The following TMEM52B variants were observed in gnomAD, a reference collection of about 807,000 sequenced individuals.
TMEM52B encodes chromosome 12 open reading frame 59.
TMEM52B carries 11 observed loss-of-function variants against 16.1 expected under a neutral mutation model. That is an observed-to-expected ratio of 0.68 (90% CI 0.43 to 1.13). TMEM52B has a LOEUF of 1.13. Ranked by LOEUF, TMEM52B falls within the 50% of genes most tolerant of loss-of-function variation. TMEM52B has a pLI of 0.00. For synonymous variants in TMEM52B, 101 were observed against 93.8 expected (o/e 1.08, Z -0.45); for missense variants, 243 against 230.4 (o/e 1.05, Z -0.35).
intron 1 of TMEM52B, among the ~76,000 whole-genome samples, chr12:10,180,148 G>C (rs1948805718): frequency 6.6e-6 from 1 of 152,108 alleles, no homozygotes; most frequent in East Asian, 1.9e-4. Context: ...TGGACTGAGG[G>C]ATTCTAAACA....
At chr12:10,176,972 C>A (rs767475875), upstream of TMEM52B, among the ~76,000 whole-genome samples, 1 of 152,188 alleles carries the variant, frequency 6.6e-6, no homozygotes, top group African/African-American at 2.4e-5. Context: ...GGGTTCCCTA[C>A]GTACAGGGCA....
chr12:10,187,480 C>A (rs1017566818), intron 4 of TMEM52B, among the ~76,000 whole-genome samples: 103 of 152,264 alleles, frequency 6.8e-4, no homozygotes, highest in African/African-American at 2.4e-3. Flanking sequence ...TCTCAGCTCA[C>A]TGCAACCTCC....
At chr12:10,173,376 G>C (rs1405782704) in intron 1 of TMEM52B, among the ~76,000 whole-genome samples, 1 of 152,064 alleles carries the variant, frequency 6.6e-6, no homozygotes, top group Non-Finnish European at 1.5e-5. Flanking sequence ...AAACATATAG[G>C]AAACTATTAG....
At chr12:10,176,392 T>C (rs1948765863), upstream of TMEM52B, among the ~76,000 whole-genome samples, 1 of 151,964 alleles carries the variant, frequency 6.6e-6, no homozygotes. Context: ...TTCAAACCTG[T>C]TTGGAAGCTG....
rs550743558 is a variant in TMEM52B at position 10,179,459 on chromosome 12, G to A, written c.-116G>A. The A allele has an allele frequency of 6.4e-6, 7 of 1,097,952 alleles. No individual in the cohort carries two copies. The highest frequency in any genetic ancestry group is 4.0e-4 in the Middle Eastern group (2 of 5,006). 68.0% of individuals were successfully genotyped at this position (1,097,952 alleles called of 1,614,324 possible). A position where few individuals can be genotyped will look rare whatever the true frequency, so the allele number is the denominator to read the frequency against. On this transcript the variant is annotated 5_prime_UTR_variant, in exon 1 of 5. Coordinates refer to ENST00000543484, the MANE Select transcript of TMEM52B (RefSeq NM_001384896.1). ...GAGAGAGAAAAGCTGATAAATTCCT[G>A]AGAAAAGTTTCTCTTCTTAAGAATT...
At chr12:10,171,924 T>TTCA in intron 1 of TMEM52B, 1 of 1,079,312 alleles carries the variant, frequency 9.3e-7, no homozygotes, top group Non-Finnish European at 1.4e-6. Context: ...AGCTTTCTAA[T>TTCA]CCCATTCTTC....
chr12:10,186,618 G>A (rs1380409896), intron 4 of TMEM52B, 29 bp downstream of exon 4: 1 of 1,510,728 alleles, frequency 6.6e-7, no homozygotes, highest in Non-Finnish European at 9.0e-7. Context: ...TAACCTGGGA[G>A]GAGGACCCAA....
chr12:10,177,241 T>C (rs1346191628), upstream of TMEM52B, among the ~76,000 whole-genome samples: 1 of 152,184 alleles, frequency 6.6e-6, no homozygotes, highest in Non-Finnish European at 1.5e-5. Context: ...CCCAGTTGCC[T>C]AATTTAAAAA....
chr12:10,182,430 A>G, intron 1 of TMEM52B, 120 bp from the exon 2 acceptor site: 2 of 1,400,418 alleles, frequency 1.4e-6, no homozygotes, highest in Non-Finnish European at 1.9e-6. Flanking sequence ...GACTGCCCCT[A>G]TGACCGTGAC....
chr12:10,173,063 T>C (rs892370959), intron 1 of TMEM52B, among the ~76,000 whole-genome samples: 15 of 152,320 alleles, frequency 9.8e-5, no homozygotes, highest in African/African-American at 3.6e-4. Flanking sequence ...GTACTAATAT[T>C]CAGCACAGTT....
chr12:10,190,048 C>G lies in TMEM52B; in HGVS notation c.460C>G (p.Gln154Glu), dbSNP rs1948939771. The G allele has an allele frequency of 1.2e-6, 2 of 1,613,990 alleles. No individual in the cohort carries two copies. Among genetic ancestry groups the G allele is most frequent in the African/African-American group, 2.7e-5 (2 of 74,876 alleles). The change falls in exon 5 of 5, where the codon CAG (glutamine) becomes GAG (glutamate). Residue 154 changes from glutamine (Q) to glutamate (E), a missense_variant. Coordinates refer to ENST00000543484, the MANE Select transcript of TMEM52B (RefSeq NM_001384896.1). ...MSRFTVAMCG[Q>E]KAPDLPPVPE... ...TCGCTTCACAGTAGCCATGTGCGGG[C>G]AGAAAGCACCTGATCTACCCCCAGT...
upstream of TMEM52B, among the ~76,000 whole-genome samples, chr12:10,175,024 G>T (rs567061967): frequency 6.6e-6 from 1 of 152,138 alleles, no homozygotes; most frequent in East Asian, 1.9e-4. Context: ...AAGATCAGTG[G>T]GATAGTTTCT....
At chr12:10,180,572 A>T (rs1948811258) in intron 1 of TMEM52B, among the ~76,000 whole-genome samples, 1 of 152,168 alleles carries the variant, frequency 6.6e-6, no homozygotes. Context: ...CGGGTTTCTC[A>T]AATGTTACCT....
Position 10,179,470 on chromosome 12 carries a change from CTCT to C in TMEM52B, c.-100_-98del, listed in dbSNP as rs1460929899. The C allele has an allele frequency of 8.8e-6, 11 of 1,243,426 alleles. No individual in the cohort carries two copies. The East Asian group carries it at 2.6e-4, about 29-fold the overall frequency. 77.0% of individuals were successfully genotyped at this position (1,243,426 alleles called of 1,614,324 possible). A position where few individuals can be genotyped will look rare whatever the true frequency, so the allele number is the denominator to read the frequency against. On this transcript the variant is annotated 5_prime_UTR_variant, in exon 1 of 5. Coordinates refer to ENST00000543484, the MANE Select transcript of TMEM52B (RefSeq NM_001384896.1). ...GCTGATAAATTCCTGAGAAAAGTTTCTCTTCTTAAGAATTCTAGGTCAAGAAGT... is the reference window on the plus strand; with the variant it reads ...GCTGATAAATTCCTGAGAAAAGTTTCTCTTAAGAATTCTAGGTCAAGAAGT...
upstream of TMEM52B, among the ~76,000 whole-genome samples, chr12:10,175,925 G>C (rs1948762223): frequency 6.6e-6 from 1 of 152,174 alleles, no homozygotes; most frequent in Admixed American, 6.5e-5. Flanking sequence ...TAAGCAATTT[G>C]TTTGGCTACA....
chr12:10,186,652 G>A lies in TMEM52B; in HGVS notation c.307+63G>A, dbSNP rs923900454. 8.2e-6 allele frequency: 12 copies of A among 1,458,274 alleles called. No homozygotes were observed. The African/African-American group carries it at 1.4e-4, about 17-fold the overall frequency. The allele number at this position is 1,458,274 out of a possible 1,614,324, so 90.3% of individuals were successfully genotyped here. ...AATTTAAGGGAATAATGAAAAGGGT[G>A]CAAAGGTGTAGAACCACTGATCGAG... On this transcript the variant is annotated intron_variant, in intron 4 of 4. Coordinates refer to ENST00000543484, the MANE Select transcript of TMEM52B (RefSeq NM_001384896.1).
At chr12:10,171,888 T>G (rs191104702) in intron 1 of TMEM52B, 1 of 699,346 alleles carries the variant, frequency 1.4e-6, no homozygotes, top group Admixed American at 2.7e-5. Context: ...ATGGTATTAA[T>G]TCTATTTTCC....
At chr12:10,185,712 A>G (rs1201851982) in intron 3 of TMEM52B, among the ~76,000 whole-genome samples, 1 of 151,892 alleles carries the variant, frequency 6.6e-6, no homozygotes, top group East Asian at 1.9e-4. Flanking sequence ...GTTCGAGACC[A>G]GCCTGAGCAA....
intron 2 of TMEM52B, among the ~76,000 whole-genome samples, chr12:10,182,922 A>G (rs762364642): frequency 1.3e-5 from 2 of 152,322 alleles, no homozygotes; most frequent in East Asian, 3.9e-4. Flanking sequence ...ACGGTTTAGT[A>G]TCTAGTCACT....
Sources: gnomAD v4.1 joint callset for allele counts (sites outside exome capture counted in the v4.1 genomes callset) on GRCh38, gnomAD v4.1.1 for gene constraint, MANE v1.5 for transcripts, NCBI Gene and HGNC (gene_info 2026-07-23, HGNC 2026-07-21) for gene names.